Variants in MAP3K9 observed in about 807,000 individuals in gnomAD.
MAP3K9 encodes mixed lineage kinase 1 (tyr and ser/thr specificity).
MAP3K9 carries 46 observed loss-of-function variants against 95.8 expected under a neutral mutation model. That is an observed-to-expected ratio of 0.48 (90% confidence interval 0.38 to 0.61). The LOEUF (loss-of-function observed/expected upper bound fraction) is 0.61. Among genes scored for constraint, MAP3K9 ranks in the 20% least tolerant of loss-of-function variants. The pLI, the probability that MAP3K9 is intolerant of heterozygous loss-of-function variation, is 0.00. For synonymous variants in MAP3K9, 533 were observed against 593.8 expected (o/e 0.90, Z 1.49); for missense variants, 1,296 against 1,474.3 (o/e 0.88, Z 1.98).
rs556862788 is a variant in MAP3K9, at chr14:70,768,119, T to C, written c.821-6937A>G. ...AACAGGGTGACTATAGTCAAAATAA[T>C]TTAATTGTACATTTAAAAATAACTA... On this transcript the variant is annotated intron_variant, in intron 2 of 11. Transcript: ENST00000554752. Among the ~76,000 whole-genome samples, 6 of 152,276 alleles carry C rather than the reference T, an allele frequency of 3.9e-5. No individual in the cohort carries two copies. In the South Asian group the frequency reaches 1.2e-3, roughly 32 times the overall value.
At position 70,730,876 on chromosome 14, in the gene MAP3K9, G is replaced by A. The variant is rs542899234; in HGVS notation, c.2831-12C>T. ...GGTTTTCAACATTCCTGGTCAAAAAGACAAAAGGAGAAGCATCAGATGAGG... is the reference window on the plus strand; with the variant it reads ...GGTTTTCAACATTCCTGGTCAAAAAAACAAAAGGAGAAGCATCAGATGAGG... On this transcript the variant is annotated splice_polypyrimidine_tract_variant and intron_variant, in intron 11 of 11. Transcript: ENST00000554752. 24 of 1,589,114 alleles carry A rather than the reference G, an allele frequency of 1.5e-5. No homozygotes were observed. The East Asian group carries it at 5.4e-4, about 36-fold the overall frequency.
At chr14:70,800,554 A>G in intron 2 of MAP3K9, 113 bp downstream of exon 2, 1 of 1,069,998 alleles carries the variant, frequency 9.3e-7, no homozygotes, top group Admixed American at 2.2e-5. Flanking sequence ...AATGTGTTTA[A>G]GCAAGGAGTT....
intron 2 of MAP3K9, among the ~76,000 whole-genome samples, chr14:70,763,340 C>A (rs968406228): frequency 5.3e-5 from 8 of 152,178 alleles, no homozygotes; most frequent in Non-Finnish European, 8.8e-5. Flanking sequence ...GGGCTAAAAA[C>A]TTCCTATCAC....
chr14:70,791,890 G>A (rs1448423329), intron 2 of MAP3K9, among the ~76,000 whole-genome samples: 1 of 152,182 alleles, frequency 6.6e-6, no homozygotes, highest in African/African-American at 2.4e-5. Context: ...TTAACACCAG[G>A]ACTTAGACTG....
intron 2 of MAP3K9, among the ~76,000 whole-genome samples, chr14:70,788,542 G>T (rs924794779): frequency 6.6e-6 from 1 of 152,314 alleles, no homozygotes; most frequent in East Asian, 1.9e-4. Context: ...ACAGAGCCAG[G>T]TAAGACTCAA....
intron 2 of MAP3K9, among the ~76,000 whole-genome samples, chr14:70,789,193 G>A (rs1023082287): frequency 3.3e-5 from 5 of 152,260 alleles, no homozygotes; most frequent in East Asian, 1.9e-4. Context: ...CGCACGGGCC[G>A]TTTCCACAAG....
rs541892601 is a variant in MAP3K9 at position 70,732,849 on chromosome 14, G to C, written c.2520C>G (p.Ile840Met). Residue 840 changes from isoleucine to methionine, a missense_variant, in exon 11 of 12, where the codon ATC becomes ATG. Physicochemically the swap from Ile to Met is conservative, Grantham distance 10. This residue lies in a region of MAP3K9 where 433 missense variants were observed against 441.4 expected (regional missense o/e 0.98). Coordinates refer to ENST00000554752, the MANE Select transcript of MAP3K9 (RefSeq NM_001284230.2). ...GGGAGCGTGTGGAGTTGCACTCGGA[G>C]ATGGAGGAGAGGGAGAGCAGCGTCA... ...ASLTLLSLSS[I>M]SECNSTRSLL... is the part of the protein sequence containing the mutation. 1 of 1,614,018 alleles carries C rather than the reference G, an allele frequency of 6.2e-7. No individual in the cohort carries two copies. Among genetic ancestry groups the C allele is most frequent in the South Asian group, 1.1e-5 (1 of 91,074 alleles).
chr14:70,730,272 A>G lies in MAP3K9; in HGVS notation c.*108T>C. On this transcript the variant is annotated 3_prime_UTR_variant, in exon 12 of 12. Coordinates refer to ENST00000554752, the MANE Select transcript of MAP3K9 (RefSeq NM_001284230.2). ...ATCTTCAAAGTGCATTATCAGTGCA[A>G]GAAGTAGGGCTGGATCTCAGGGGGT... 1 of 1,466,076 alleles carries G rather than the reference A, an allele frequency of 6.8e-7. No individual in the cohort carries two copies. The allele number at this position is 1,466,076 out of a possible 1,614,324, so 90.8% of individuals were successfully genotyped here.
chr14:70,757,196 G>T (rs2054309366), intron 3 of MAP3K9, among the ~76,000 whole-genome samples: 1 of 152,120 alleles, frequency 6.6e-6, no homozygotes, highest in African/African-American at 2.4e-5. Flanking sequence ...ATAGGGCCAG[G>T]CGCAGTGGCT....
chr14:70,747,312 C>T (rs1393513985), intron 5 of MAP3K9, among the ~76,000 whole-genome samples: 1 of 152,140 alleles, frequency 6.6e-6, no homozygotes, highest in Non-Finnish European at 1.5e-5. Context: ...TGAGTTAGTT[C>T]TCACGAGATC....
At chr14:70,745,945 T>G (rs982506215) in intron 5 of MAP3K9, among the ~76,000 whole-genome samples, 1 of 152,126 alleles carries the variant, frequency 6.6e-6, no homozygotes. Flanking sequence ...TTCCTGAGAG[T>G]TGAACTTGAA....
At chr14:70,764,346 T>TATTG (rs77326152) in intron 2 of MAP3K9, among the ~76,000 whole-genome samples, 86,278 of 151,214 alleles carry the variant, frequency 0.57, 24,722 homozygotes, top group Middle Eastern at 0.66. Context: ...AAGACTGTGA[T>TATTG]ATGATCTTGA....
chr14:70,750,664 T>C (rs1465553572), intron 3 of MAP3K9, among the ~76,000 whole-genome samples: 1 of 152,130 alleles, frequency 6.6e-6, no homozygotes, highest in African/African-American at 2.4e-5. Flanking sequence ...TTTGTATTTT[T>C]AGTAGAGACA....
Position 70,736,103 on chromosome 14 carries a change from C to T in MAP3K9, c.1845-74G>A. The T allele has an allele frequency of 5.1e-6, 5 of 971,162 alleles. No individual in the cohort carries two copies. The South Asian group carries it at 6.4e-5, about 12-fold the overall frequency. The allele number at this position is 971,162 out of a possible 1,614,324, so 60.2% of individuals were successfully genotyped here. A position where few individuals can be genotyped will look rare whatever the true frequency, so the allele number is the denominator to read the frequency against. On this transcript the variant is annotated intron_variant, in intron 8 of 11. Coordinates refer to ENST00000554752, the MANE Select transcript of MAP3K9 (RefSeq NM_001284230.2). ...GCTCAGCCTCTCCCACACCAAAACACCCAAGGCTGGATTCACACCACATCG... is the reference window on the plus strand; with the variant it reads ...GCTCAGCCTCTCCCACACCAAAACATCCAAGGCTGGATTCACACCACATCG...
At chr14:70,763,608 G>A (rs1171609424) in intron 2 of MAP3K9, among the ~76,000 whole-genome samples, 1 of 150,940 alleles carries the variant, frequency 6.6e-6, no homozygotes, top group Non-Finnish European at 1.5e-5. Context: ...ATAGCTTATT[G>A]CAGCCTCAAT....
At chr14:70,781,176 A>G (rs984442375) in intron 2 of MAP3K9, among the ~76,000 whole-genome samples, 1 of 152,268 alleles carries the variant, frequency 6.6e-6, no homozygotes, top group Non-Finnish European at 1.5e-5. Flanking sequence ...CTTCTAAGCT[A>G]GATCAGAAAA....
chr14:70,728,112 A>ATTTTT lies in MAP3K9; in HGVS notation c.*2267_*2268insAAAAA, dbSNP rs2053843507. ...CCGGGGGAAGGAGGCCACAGAACAG[A>ATTTTT]CTTTTTTTTTTTTTTTTTTTTTTTT... is the stretch of plus-strand genomic sequence containing the variant. On this transcript the variant is annotated 3_prime_UTR_variant, in exon 12 of 12. Coordinates refer to ENST00000554752, the MANE Select transcript of MAP3K9 (RefSeq NM_001284230.2). The ATTTTT allele has an allele frequency of 3.7e-5, 1 of 27,226 alleles. No homozygotes were observed. The highest frequency in any genetic ancestry group is 7.8e-5 in the Non-Finnish European group (1 of 12,832). The allele number at this position is 27,226 out of a possible 1,614,324, so 1.7% of individuals were successfully genotyped here. A position where few individuals can be genotyped will look rare whatever the true frequency, so the allele number is the denominator to read the frequency against.
At chr14:70,769,391 T>C (rs1355217916) in intron 2 of MAP3K9, among the ~76,000 whole-genome samples, 2 of 152,250 alleles carry the variant, frequency 1.3e-5, no homozygotes, top group Non-Finnish European at 2.9e-5. Flanking sequence ...CTTCTCTTTA[T>C]GATTTTACCA....
In MAP3K9 at chr14:70,808,989, G is replaced by C. The variant is rs778812776; in HGVS notation, c.183C>G (p.Phe61Leu). The change falls in exon 1 of 12, where the codon TTC (phenylalanine) becomes TTG (leucine). Residue 61 changes from phenylalanine (F) to leucine (L), a missense_variant. Around this residue, in one of 5 missense-constraint regions of MAP3K9, gnomAD observed 338 missense variants for 363.4 expected, o/e 0.93. Coordinates refer to ENST00000554752, the MANE Select transcript of MAP3K9 (RefSeq NM_001284230.2). ...DAPLPYWTAV[F>L]EYEAAGEDEL... Reference sequence around the variant, plus strand: ...CGTCCTCGCCCGCCGCCTCGTACTCGAACACGGCCGTCCAGTAGGGCAGCG... The same window carrying C: ...CGTCCTCGCCCGCCGCCTCGTACTCCAACACGGCCGTCCAGTAGGGCAGCG... 4 of 1,556,444 alleles carry C rather than the reference G, an allele frequency of 2.6e-6. No individual in the cohort carries two copies. The highest frequency in any genetic ancestry group is 3.5e-6 in the Non-Finnish European group (4 of 1,158,400).
Sources: allele counts gnomAD v4.1 joint callset (sites outside exome capture counted in the v4.1 genomes callset), GRCh38; gene constraint gnomAD v4.1.1; regional missense constraint gnomAD v4.1.1; transcripts MANE v1.5; gene names NCBI Gene and HGNC (gene_info 2026-07-23, HGNC 2026-07-21).